The following PTPRO variants were observed in gnomAD, a reference collection of about 807,000 sequenced individuals.
PTPRO encodes protein tyrosine phosphatase receptor type O, also known as receptor-type tyrosine-protein phosphatase O.
PTPRO carries 62 observed loss-of-function variants against 145.2 expected under a neutral mutation model. The ratio of observed to expected loss-of-function variants is 0.43; its 90% CI spans 0.35 to 0.53. The LOEUF is 0.53. PTPRO is among the 20% of genes least tolerant of loss of function. The pLI is 0.01. For missense variants in PTPRO, 1,345 were observed against 1,482.7 expected (o/e 0.91, Z 1.53); for synonymous variants, 565 against 514.7 (o/e 1.10, Z -1.32).
intron 12 of PTPRO, among the ~76,000 whole-genome samples, chr12:15,542,149 A>G (rs994450707): frequency 6.6e-6 from 1 of 152,192 alleles, no homozygotes; most frequent in Non-Finnish European, 1.5e-5. Flanking sequence ...ATTCCCTATC[A>G]TATGCAATTG....
chr12:15,324,414 T>C (rs548767576), intron 1 of PTPRO, among the ~76,000 whole-genome samples: 89 of 152,188 alleles, frequency 5.8e-4, no homozygotes, highest in Admixed American at 3.0e-3. Flanking sequence ...AATGTGGCCA[T>C]TGTTTGACTT....
chr12:15,479,291 A>G (rs1026416086), intron 1 of PTPRO, among the ~76,000 whole-genome samples: 3 of 152,164 alleles, frequency 2.0e-5, no homozygotes, highest in African/African-American at 7.2e-5. Context: ...TCAAACCCCA[A>G]CATGGAATTG....
intron 13 of PTPRO, among the ~76,000 whole-genome samples, chr12:15,548,778 G>A (rs1185388111): frequency 6.6e-6 from 1 of 151,916 alleles, no homozygotes; most frequent in African/African-American, 2.4e-5. Flanking sequence ...TGATAGCTAA[G>A]GTAAAAAAAT....
At chr12:15,395,925 G>A (rs1939326360) in intron 1 of PTPRO, among the ~76,000 whole-genome samples, 2 of 152,124 alleles carry the variant, frequency 1.3e-5, no homozygotes, top group African/African-American at 4.8e-5. Flanking sequence ...CAGACAAAGT[G>A]TATGGTTGTT....
At chr12:15,329,203 T>C (rs996232469) in intron 1 of PTPRO, among the ~76,000 whole-genome samples, 2 of 152,348 alleles carry the variant, frequency 1.3e-5, no homozygotes, top group African/African-American at 4.8e-5. Context: ...CCTGGTTCTC[T>C]CTACCTTTAA....
chr12:15,433,184 T>G (rs1167571079), intron 1 of PTPRO, among the ~76,000 whole-genome samples: 2 of 148,932 alleles, frequency 1.3e-5, no homozygotes, highest in Admixed American at 6.7e-5. Flanking sequence ...TTTTTTTTTT[T>G]TTTTTTCTGA....
At chr12:15,445,785 G>T (rs1252495577) in intron 1 of PTPRO, among the ~76,000 whole-genome samples, 3 of 151,988 alleles carry the variant, frequency 2.0e-5, no homozygotes, top group African/African-American at 7.3e-5. Flanking sequence ...ATTTCTACTT[G>T]ATTTCCTTAT....
chr12:15,472,898 C>T (rs1342134452), intron 1 of PTPRO, among the ~76,000 whole-genome samples: 1 of 152,086 alleles, frequency 6.6e-6, no homozygotes, highest in African/African-American at 2.4e-5. Flanking sequence ...TACTGAAAGC[C>T]AGAAAGGAAC....
At chr12:15,375,834 A>G (rs769359300) in intron 1 of PTPRO, among the ~76,000 whole-genome samples, 3 of 152,190 alleles carry the variant, frequency 2.0e-5, no homozygotes, top group Non-Finnish European at 4.4e-5. Context: ...TTTAAAGCAT[A>G]ATAACTAAAA....
chr12:15,462,065 C>T (rs1332202742), intron 1 of PTPRO, among the ~76,000 whole-genome samples: 1 of 152,134 alleles, frequency 6.6e-6, no homozygotes, highest in Non-Finnish European at 1.5e-5. Flanking sequence ...CTGCTACTTT[C>T]CATCCCCTCT....
intron 16 of PTPRO, among the ~76,000 whole-genome samples, chr12:15,559,619 C>T (rs1231440759): frequency 6.6e-6 from 1 of 152,054 alleles, no homozygotes; most frequent in Non-Finnish European, 1.5e-5. Context: ...ATCATCCATA[C>T]CTCTGTTTTA....
intron 1 of PTPRO, among the ~76,000 whole-genome samples, chr12:15,375,805 C>T (rs1017125929): frequency 1.4e-5 from 2 of 142,060 alleles, no homozygotes; most frequent in Non-Finnish European, 3.1e-5. Context: ...TTTAAAAACA[C>T]AAACAGATAT....
intron 16 of PTPRO, among the ~76,000 whole-genome samples, chr12:15,558,833 C>A (rs553888866): frequency 1.3e-5 from 2 of 152,006 alleles, no homozygotes; most frequent in Non-Finnish European, 2.9e-5. Flanking sequence ...CTAGTTGAAA[C>A]CAGATTTCTT....
At chr12:15,491,741 A>G (rs1220177270) in intron 2 of PTPRO, among the ~76,000 whole-genome samples, 1 of 152,214 alleles carries the variant, frequency 6.6e-6, no homozygotes, top group Non-Finnish European at 1.5e-5. Context: ...ACAAAGCCAC[A>G]ATAGTTCTCT....
chr12:15,457,744 C>T (rs901073857), intron 1 of PTPRO, among the ~76,000 whole-genome samples: 22 of 151,944 alleles, frequency 1.4e-4, no homozygotes, highest in Non-Finnish European at 1.9e-4. Context: ...TACAAAAATC[C>T]CTGCCCCCAC....
At chr12:15,443,480 A>G (rs1056142285) in intron 1 of PTPRO, among the ~76,000 whole-genome samples, 2 of 152,134 alleles carry the variant, frequency 1.3e-5, no homozygotes, top group African/African-American at 4.8e-5. Context: ...AATTTTAACA[A>G]AAACAAAAAA....
At chr12:15,513,189 GAAAGAAAGAA>G (rs1565675839) in intron 7 of PTPRO, among the ~76,000 whole-genome samples, 1 of 96,338 alleles carries the variant, frequency 1.0e-5, no homozygotes, top group Non-Finnish European at 2.0e-5. Context: ...AAGAAAGAAA[GAAAGAAAGAA>G]AGAAAGAAAG....
intron 1 of PTPRO, among the ~76,000 whole-genome samples, chr12:15,352,386 C>T (rs533790162): frequency 9.2e-5 from 14 of 152,262 alleles, no homozygotes; most frequent in African/African-American, 2.9e-4. Flanking sequence ...CGTGGTGGCT[C>T]AAGCCTGTAA....
intron 1 of PTPRO, among the ~76,000 whole-genome samples, chr12:15,467,320 A>G (rs1331363573): frequency 6.6e-6 from 1 of 152,060 alleles, no homozygotes; most frequent in Non-Finnish European, 1.5e-5. Flanking sequence ...TACTTTATAT[A>G]TATCAAACTG....
Sources: gnomAD v4.1 joint callset for allele counts (sites outside exome capture counted in the v4.1 genomes callset) on GRCh38, gnomAD v4.1.1 for gene constraint, MANE v1.5 for transcripts, NCBI Gene and HGNC (gene_info 2026-07-23, HGNC 2026-07-21) for gene names.